The following OPCML variants were observed in gnomAD, a reference collection of about 807,000 sequenced individuals.
OPCML encodes the protein opioid-binding protein/cell adhesion molecule.
A neutral mutation model predicts 37.8 loss-of-function variants in OPCML; 13 were observed. That is an observed-to-expected ratio of 0.34 (90% confidence interval 0.22 to 0.55). The LOEUF (loss-of-function observed/expected upper bound fraction) is 0.55. OPCML is among the 20% of genes least tolerant of loss of function. The pLI is 0.91. For synonymous variants in OPCML, 176 were observed against 168.8 expected (o/e 1.04, Z -0.33); for missense variants, 341 against 435.6 (o/e 0.78, Z 1.93).
intron 1 of OPCML, among the ~76,000 whole-genome samples, chr11:133,464,588 T>TTAAC (rs561574826): frequency 1.3e-5 from 2 of 152,202 alleles, no homozygotes; most frequent in South Asian, 4.2e-4. Context: ...CATCAAGGTA[T>TTAAC]TAACATCCAG....
At chr11:133,381,677 G>A (rs892515091) in intron 1 of OPCML, among the ~76,000 whole-genome samples, 13 of 152,166 alleles carry the variant, frequency 8.5e-5, no homozygotes, top group Non-Finnish European at 1.8e-4. Context: ...TGACCAGAGG[G>A]AGACCTCAGT....
intron 1 of OPCML, among the ~76,000 whole-genome samples, chr11:133,353,755 C>T (rs927875629): frequency 1.3e-5 from 2 of 152,158 alleles, no homozygotes; most frequent in African/African-American, 4.8e-5. Flanking sequence ...TTGACTTTAT[C>T]CCAGAGCATC....
chr11:133,374,024 G>GA (rs1254738100), intron 1 of OPCML, among the ~76,000 whole-genome samples: 5 of 151,970 alleles, frequency 3.3e-5, no homozygotes, highest in African/African-American at 9.7e-5. Context: ...CAAAAGAAAT[G>GA]AAAAAAATGT....
chr11:133,271,012 C>G (rs1479664025), intron 1 of OPCML, among the ~76,000 whole-genome samples: 1 of 152,036 alleles, frequency 6.6e-6, no homozygotes, highest in African/African-American at 2.4e-5. Context: ...TGCACCAATT[C>G]GACATTTATG....
chr11:132,507,621 A>G (rs546475410), intron 4 of OPCML, among the ~76,000 whole-genome samples: 1 of 151,952 alleles, frequency 6.6e-6, no homozygotes, highest in Non-Finnish European at 1.5e-5. Context: ...TTGCCAAAAA[A>G]TACTCACAAA....
intron 1 of OPCML, among the ~76,000 whole-genome samples, chr11:133,002,095 C>T (rs1440488662): frequency 6.6e-6 from 1 of 152,106 alleles, no homozygotes; most frequent in Non-Finnish European, 1.5e-5. Flanking sequence ...GAGATCAAGA[C>T]AGGAGTTAAA....
chr11:133,343,905 G>T (rs80156520), intron 1 of OPCML, among the ~76,000 whole-genome samples: 1 of 152,038 alleles, frequency 6.6e-6, no homozygotes, highest in African/African-American at 2.4e-5. Context: ...TAAAAAAAGC[G>T]CTATAAATGC....
intron 1 of OPCML, among the ~76,000 whole-genome samples, chr11:133,328,300 G>A (rs1943528768): frequency 6.6e-6 from 1 of 151,986 alleles, no homozygotes; most frequent in Non-Finnish European, 1.5e-5. Flanking sequence ...TGGGATTACA[G>A]GTGCCTGCCA....
At chr11:133,134,083 C>T (rs181755545) in intron 1 of OPCML, among the ~76,000 whole-genome samples, 6 of 152,226 alleles carry the variant, frequency 3.9e-5, no homozygotes, top group African/African-American at 1.4e-4. Context: ...AAACCTCAGC[C>T]TGAATTGTAT....
intron 1 of OPCML, among the ~76,000 whole-genome samples, chr11:133,090,565 G>A (rs1948891054): frequency 6.6e-6 from 1 of 152,170 alleles, no homozygotes; most frequent in African/African-American, 2.4e-5. Flanking sequence ...GGCCATCATT[G>A]TTACCAAGTG....
At chr11:133,004,326 T>G in intron 1 of OPCML, 1 of 985,462 alleles carries the variant, frequency 1.0e-6, no homozygotes, top group Non-Finnish European at 1.2e-6. Flanking sequence ...TTTTATTTTG[T>G]GGGTCCTTTG....
intron 3 of OPCML, among the ~76,000 whole-genome samples, chr11:132,585,666 A>G (rs1026502743): frequency 1.3e-5 from 2 of 152,184 alleles, no homozygotes; most frequent in African/African-American, 4.8e-5. Context: ...CTATGGAGAT[A>G]TGGACTAAAA....
intron 2 of OPCML, among the ~76,000 whole-genome samples, chr11:132,892,971 A>T (rs1943708331): frequency 6.6e-6 from 1 of 152,116 alleles, no homozygotes; most frequent in South Asian, 2.1e-4. Flanking sequence ...TCTCCTTCTC[A>T]CAACTTCTAT....
At chr11:132,484,042 G>C (rs1216051893) in intron 4 of OPCML, among the ~76,000 whole-genome samples, 1 of 152,118 alleles carries the variant, frequency 6.6e-6, no homozygotes, top group African/African-American at 2.4e-5. Context: ...AAAAGCAATG[G>C]CAACAAAAGC....
chr11:132,932,204 A>G (rs1217511843), intron 2 of OPCML, among the ~76,000 whole-genome samples: 1 of 152,176 alleles, frequency 6.6e-6, no homozygotes, highest in Non-Finnish European at 1.5e-5. Flanking sequence ...CAGTTTGGGA[A>G]GAAGAAATAA....
intron 2 of OPCML, among the ~76,000 whole-genome samples, chr11:132,755,577 C>T (rs1388978419): frequency 2.6e-5 from 4 of 152,084 alleles, no homozygotes; most frequent in Admixed American, 6.6e-5. Context: ...AAAATTATGA[C>T]CTTAATATAT....
chr11:132,990,436 T>C (rs543627479), intron 1 of OPCML, among the ~76,000 whole-genome samples: 115 of 152,334 alleles, frequency 7.5e-4, no homozygotes, highest in South Asian at 6.2e-3. Context: ...ACACTAACAC[T>C]TTACATTTGT....
chr11:133,110,289 G>A (rs1747811361), intron 1 of OPCML, among the ~76,000 whole-genome samples: 1 of 152,146 alleles, frequency 6.6e-6, no homozygotes, highest in African/African-American at 2.4e-5. Context: ...CTTAATAGTG[G>A]TGACTATGGC....
At chr11:133,147,937 G>A (rs780797369) in intron 1 of OPCML, among the ~76,000 whole-genome samples, 3 of 152,048 alleles carry the variant, frequency 2.0e-5, no homozygotes, top group African/African-American at 4.8e-5. Context: ...GTTACTCAGC[G>A]AACGCTTTCT....
Sources: allele counts gnomAD v4.1 joint callset (sites outside exome capture counted in the v4.1 genomes callset), GRCh38; gene constraint gnomAD v4.1.1; transcripts MANE v1.5; gene names NCBI Gene and HGNC (gene_info 2026-07-23, HGNC 2026-07-21).